The following CIMAP3 variants were observed in gnomAD, a reference collection of about 807,000 sequenced individuals.
CIMAP3 encodes the protein ciliary microtubule associated protein 3.
the CIMAP3 span, among the ~76,000 whole-genome samples, chr1:111,344,762 A>G: frequency 6.6e-6 from 1 of 152,182 alleles, no homozygotes; most frequent in Non-Finnish European, 1.5e-5. Flanking sequence ...AATATTACCT[A>G]AATTATTAAT....
the CIMAP3 span, chr1:111,347,053 A>T: frequency 6.2e-7 from 1 of 1,607,694 alleles, no homozygotes; most frequent in Non-Finnish European, 8.5e-7. Context: ...TTCAGATGTG[A>T]GTATTCACCT....
At chr1:111,332,530 C>G in the CIMAP3 span, among the ~76,000 whole-genome samples, 2 of 152,212 alleles carry the variant, frequency 1.3e-5, no homozygotes, top group East Asian at 1.9e-4. Flanking sequence ...GTTTCAGAGG[C>G]CTGAGACGTA....
chr1:111,340,887 G>T, the CIMAP3 span, among the ~76,000 whole-genome samples: 2 of 152,022 alleles, frequency 1.3e-5, no homozygotes. Context: ...AAATCATGCT[G>T]CTATAAAGAC....
chr1:111,325,911 T>C, the CIMAP3 span, among the ~76,000 whole-genome samples: 5 of 152,288 alleles, frequency 3.3e-5, no homozygotes, highest in African/African-American at 9.6e-5. Flanking sequence ...GATTTACCAA[T>C]TTCTGATAGC....
the CIMAP3 span, chr1:111,346,723 T>G: frequency 4.4e-6 from 7 of 1,591,964 alleles, no homozygotes; most frequent in African/African-American, 6.7e-5. Flanking sequence ...GGGGGAAGGG[T>G]GGGGAAGCTG....
At chr1:111,338,054 G>A in the CIMAP3 span, among the ~76,000 whole-genome samples, 119 of 149,126 alleles carry the variant, frequency 8.0e-4, no homozygotes, top group African/African-American at 2.8e-3. Context: ...ACTCAAAGCC[G>A]CTCAACTACA....
the CIMAP3 span, among the ~76,000 whole-genome samples, chr1:111,336,992 A>G: frequency 6.6e-6 from 1 of 152,100 alleles, no homozygotes; most frequent in Non-Finnish European, 1.5e-5. Context: ...GACTAACAGC[A>G]GATCTCTCAG....
At chr1:111,335,059 A>G in the CIMAP3 span, among the ~76,000 whole-genome samples, 3 of 127,294 alleles carry the variant, frequency 2.4e-5, no homozygotes, top group Non-Finnish European at 4.8e-5. Flanking sequence ...ACATGGGAGG[A>G]GGAGGTTGCA....
chr1:111,344,333 A>T, the CIMAP3 span, among the ~76,000 whole-genome samples: 1 of 152,202 alleles, frequency 6.6e-6, no homozygotes, highest in Non-Finnish European at 1.5e-5. Flanking sequence ...CTTAAACTTC[A>T]AACTGTGTTT....
the CIMAP3 span, among the ~76,000 whole-genome samples, chr1:111,327,929 T>C: frequency 1.3e-5 from 2 of 152,154 alleles, no homozygotes; most frequent in African/African-American, 4.8e-5. Context: ...CTAATTCTTT[T>C]AGTTGTGAAG....
chr1:111,339,431 G>C, the CIMAP3 span, among the ~76,000 whole-genome samples: 5 of 150,170 alleles, frequency 3.3e-5, no homozygotes, highest in African/African-American at 1.2e-4. Flanking sequence ...GTTTGCAGAC[G>C]ACATGATTGT....
the CIMAP3 span, chr1:111,348,724 T>C: frequency 2.2e-6 from 3 of 1,377,602 alleles, no homozygotes; most frequent in Non-Finnish European, 2.9e-6. Context: ...AAGAAGCACA[T>C]AAAGAAGGGA....
the CIMAP3 span, chr1:111,346,551 C>G: frequency 6.3e-7 from 1 of 1,582,776 alleles, no homozygotes; most frequent in South Asian, 1.1e-5. Flanking sequence ...CAGGCGCGCT[C>G]GGGCCCTCTC....
the CIMAP3 span, among the ~76,000 whole-genome samples, chr1:111,327,313 A>G: frequency 1.3e-5 from 2 of 151,796 alleles, no homozygotes; most frequent in African/African-American, 2.4e-5. Context: ...TTGAATATCC[A>G]TCTCTCCTTG....
the CIMAP3 span, among the ~76,000 whole-genome samples, chr1:111,338,244 G>A: frequency 7.2e-5 from 11 of 151,830 alleles, no homozygotes; most frequent in Non-Finnish European, 1.2e-4. Flanking sequence ...AGAGAAAGAA[G>A]GAAACATCCA....
the CIMAP3 span, among the ~76,000 whole-genome samples, chr1:111,345,858 T>A: frequency 6.6e-6 from 1 of 152,208 alleles, no homozygotes; most frequent in Non-Finnish European, 1.5e-5. Flanking sequence ...TTATCTTCAG[T>A]GATAATAACC....
At chr1:111,325,012 G>A in the CIMAP3 span, 1 of 520,414 alleles carries the variant, frequency 1.9e-6, no homozygotes, top group Non-Finnish European at 2.5e-6. Flanking sequence ...GATTCTGGAT[G>A]GAGGCAGAGA....
the CIMAP3 span, chr1:111,351,208 G>A: frequency 1.6e-6 from 2 of 1,220,702 alleles, no homozygotes; most frequent in African/African-American, 1.6e-5. Flanking sequence ...AAGACCAGAG[G>A]CAGAGGGTTC....
the CIMAP3 span, chr1:111,352,302 A>C: frequency 6.6e-6 from 1 of 152,630 alleles, no homozygotes; most frequent in Non-Finnish European, 1.5e-5. Flanking sequence ...GCTTCTTCGT[A>C]ATTACCAGAA....
Sources: allele counts gnomAD v4.1 joint callset (sites outside exome capture counted in the v4.1 genomes callset), GRCh38; gene constraint gnomAD v4.1.1; transcripts MANE v1.5; gene names NCBI Gene and HGNC (gene_info 2026-07-23, HGNC 2026-07-21).